Variants in NFIA observed in about 807,000 individuals in gnomAD.
NFIA encodes the protein nuclear factor I A, also known as nuclear factor 1 A-type.
Under a neutral mutation model 62.8 loss-of-function variants are expected in NFIA, and 8 were observed. The ratio of observed to expected loss-of-function variants is 0.13; its 90% CI spans 0.07 to 0.23. NFIA has a LOEUF of 0.23. Among genes scored for constraint, NFIA ranks in the 10% least tolerant of loss-of-function variants. The pLI is 1.00. For synonymous variants in NFIA, 235 were observed against 238.1 expected, an observed-to-expected ratio of 0.99 and a Z score of 0.12; for missense variants, 410 against 642.1, an observed-to-expected ratio of 0.64 and a Z score of 3.91.
intron 4 of NFIA, among the ~76,000 whole-genome samples, chr1:61,347,378 T>A (rs563000836): frequency 1.8e-4 from 28 of 151,994 alleles, no homozygotes; most frequent in Non-Finnish European, 3.7e-4. Context: ...TTTCACCGTG[T>A]TAGCCAGGAT....
chr1:61,113,317 G>A (rs1032793703), intron 2 of NFIA, among the ~76,000 whole-genome samples: 3 of 151,994 alleles, frequency 2.0e-5, no homozygotes, highest in African/African-American at 7.3e-5. Context: ...GGTGGGCCAG[G>A]TGCAGGGGAT....
At chr1:61,383,052 T>G (rs1200395134) in intron 6 of NFIA, among the ~76,000 whole-genome samples, 185 bp from the exon 7 acceptor site, 1 of 152,226 alleles carries the variant, frequency 6.6e-6, no homozygotes, top group Non-Finnish European at 1.5e-5. Context: ...GACCGACTTA[T>G]CAGGGGACTA....
chr1:61,227,484 GCGGTATT>G (rs1217529134), intron 2 of NFIA, among the ~76,000 whole-genome samples: 1 of 152,110 alleles, frequency 6.6e-6, no homozygotes, highest in African/African-American at 2.4e-5. Context: ...CTCCTGAAAG[GCGGTATT>G]CTTTCTTTCA....
intron 10 of NFIA, among the ~76,000 whole-genome samples, chr1:61,430,041 ACTGTACACT>A (rs1667035619): frequency 6.6e-6 from 1 of 152,184 alleles, no homozygotes; most frequent in Non-Finnish European, 1.5e-5. Context: ...ATCCCACTGA[ACTGTACACT>A]CAAAAATGGT....
chr1:61,213,407 G>A (rs1421213017), intron 2 of NFIA, among the ~76,000 whole-genome samples: 1 of 152,218 alleles, frequency 6.6e-6, no homozygotes, highest in Non-Finnish European at 1.5e-5. Flanking sequence ...CAGACTGCAA[G>A]TCTAAGTCTC....
intron 3 of NFIA, among the ~76,000 whole-genome samples, chr1:61,284,947 T>C (rs1486889658): frequency 6.6e-6 from 1 of 152,216 alleles, no homozygotes; most frequent in Non-Finnish European, 1.5e-5. Flanking sequence ...TAGGAAAGCA[T>C]TTTAAAGTGT....
chr1:61,226,865 C>T (rs1432847222), intron 2 of NFIA, among the ~76,000 whole-genome samples: 1 of 152,222 alleles, frequency 6.6e-6, no homozygotes, highest in Non-Finnish European at 1.5e-5. Flanking sequence ...GCTGTGCATT[C>T]AGCCAAGTAT....
chr1:61,206,502 A>G (rs771071190), intron 2 of NFIA, among the ~76,000 whole-genome samples: 18 of 152,316 alleles, frequency 1.2e-4, no homozygotes, highest in Non-Finnish European at 2.4e-4. Context: ...ACTGAAACCA[A>G]TGACTAGCAT....
intron 2 of NFIA, among the ~76,000 whole-genome samples, chr1:61,269,054 C>T (rs769196679): frequency 8.6e-5 from 13 of 152,026 alleles, no homozygotes; most frequent in Non-Finnish European, 1.5e-4. Flanking sequence ...TACAGCGCCA[C>T]TGAGGAGAAT....
intron 4 of NFIA, among the ~76,000 whole-genome samples, chr1:61,335,854 G>A (rs1452225483): frequency 1.3e-5 from 2 of 151,480 alleles, no homozygotes; most frequent in African/African-American, 4.9e-5. Flanking sequence ...AAAAAAAAAA[G>A]AAATAAGCTA....
intron 2 of NFIA, among the ~76,000 whole-genome samples, chr1:61,261,876 A>C (rs1477704079): frequency 1.3e-5 from 2 of 152,212 alleles, no homozygotes; most frequent in Non-Finnish European, 2.9e-5. Context: ...GGCAGTGAAT[A>C]GTGTTTTCTT....
chr1:61,090,191 T>C (rs769053718), intron 2 of NFIA, among the ~76,000 whole-genome samples: 6 of 152,194 alleles, frequency 3.9e-5, no homozygotes, highest in Non-Finnish European at 7.4e-5. Flanking sequence ...TTTTAAAAAA[T>C]GTGTCTGCAT....
At chr1:61,324,041 G>A (rs1471455644) in intron 3 of NFIA, among the ~76,000 whole-genome samples, 5 of 152,202 alleles carry the variant, frequency 3.3e-5, no homozygotes, top group Admixed American at 6.5e-5. Context: ...CACCTAAAAT[G>A]TTCTGTGTTG....
intron 2 of NFIA, among the ~76,000 whole-genome samples, chr1:61,274,250 C>T (rs928184516): frequency 6.6e-6 from 1 of 152,142 alleles, no homozygotes; most frequent in African/African-American, 2.4e-5. Context: ...CATATGCAAA[C>T]CCTGTCTATT....
At chr1:61,255,784 C>T (rs1282043804) in intron 2 of NFIA, among the ~76,000 whole-genome samples, 3 of 152,102 alleles carry the variant, frequency 2.0e-5, no homozygotes, top group Non-Finnish European at 2.9e-5. Context: ...GCACCTCACA[C>T]GGGATCATAG....
At chr1:61,379,368 A>G (rs1311433264) in intron 6 of NFIA, among the ~76,000 whole-genome samples, 1 of 150,140 alleles carries the variant, frequency 6.7e-6, no homozygotes, top group Non-Finnish European at 1.5e-5. Flanking sequence ...GACTGTAGGC[A>G]TATACCACCA....
chr1:61,329,255 C>T (rs1188692264), intron 3 of NFIA, among the ~76,000 whole-genome samples: 1 of 150,218 alleles, frequency 6.7e-6, no homozygotes, highest in Non-Finnish European at 1.5e-5. Context: ...ACCGTATTAG[C>T]CAGGATGGTC....
intron 2 of NFIA, among the ~76,000 whole-genome samples, chr1:61,135,914 T>C (rs1449159696): frequency 6.6e-6 from 1 of 152,082 alleles, no homozygotes; most frequent in Admixed American, 6.6e-5. Flanking sequence ...ATATATGTAG[T>C]CTCCCCTACC....
intron 2 of NFIA, among the ~76,000 whole-genome samples, chr1:61,142,480 A>G (rs1211793486): frequency 6.6e-6 from 1 of 152,178 alleles, no homozygotes; most frequent in African/African-American, 2.4e-5. Flanking sequence ...GAAGAACAGT[A>G]TTCTTGATTT....
Sources: gnomAD v4.1 joint callset for allele counts (sites outside exome capture counted in the v4.1 genomes callset) on GRCh38, gnomAD v4.1.1 for gene constraint, MANE v1.5 for transcripts, NCBI Gene and HGNC (gene_info 2026-07-23, HGNC 2026-07-21) for gene names.